ERGIC1: variants seen among roughly 807,000 people sequenced by gnomAD.
The protein encoded by ERGIC1 is endoplasmic reticulum-Golgi intermediate compartment protein 1.
ERGIC1 carries 19 observed loss-of-function variants against 38.3 expected under a neutral mutation model. That is an observed-to-expected ratio of 0.50 (90% confidence interval 0.35 to 0.73). The LOEUF is 0.73. Among genes scored for constraint, ERGIC1 ranks in the 30% least tolerant of loss-of-function variants. The probability of loss-of-function intolerance (pLI) is 0.01; values close to 1 mark genes in which losing one functional copy is unlikely to be tolerated. For missense variants in ERGIC1, 294 were observed against 389.2 expected (o/e 0.76, Z 2.06); for synonymous variants, 124 against 157.6 (o/e 0.79, Z 1.60).
At chr5:172,923,383 G>A (rs1438305024) in intron 5 of ERGIC1, among the ~76,000 whole-genome samples, 1 of 148,498 alleles carries the variant, frequency 6.7e-6, no homozygotes, top group Non-Finnish European at 1.5e-5. Context: ...GGAGGGGGAG[G>A]AGGAGGGACT....
rs769990959 is a variant in ERGIC1 at position 172,914,688 on chromosome 5, CTG to C, written c.251-24_251-23del. 8 of 1,613,814 alleles carry C rather than the reference CTG, an allele frequency of 5.0e-6. No homozygotes were observed. The African/African-American group carries it at 8.0e-5, about 16-fold the overall frequency. On this transcript the variant is annotated intron_variant, in intron 4 of 9. Coordinates refer to ENST00000393784, the MANE Select transcript of ERGIC1 (RefSeq NM_001031711.3). ...TCCTCCCGCGTCTCTGGGTTTGTGA[CTG>C]TTGTCTCCCTTTGGCTCCTGCAGTG...
chr5:172,870,533 G>C (rs1306746678), intron 1 of ERGIC1, among the ~76,000 whole-genome samples: 2 of 152,222 alleles, frequency 1.3e-5, no homozygotes, highest in Admixed American at 6.5e-5. Flanking sequence ...TTGGGATGCT[G>C]ACGTTTCCTG....
chr5:172,891,778 A>T (rs1173732713), intron 2 of ERGIC1, among the ~76,000 whole-genome samples: 2 of 152,174 alleles, frequency 1.3e-5, no homozygotes, highest in Non-Finnish European at 2.9e-5. Flanking sequence ...TGTTTGAAAC[A>T]CAAAAGGGAG....
At chr5:172,935,344 GCCA>G in intron 9 of ERGIC1, 34 bp downstream of exon 9, 2 of 1,613,256 alleles carry the variant, frequency 1.2e-6, no homozygotes, top group Non-Finnish European at 1.7e-6. Flanking sequence ...GGGGCCCTGA[GCCA>G]GCCACCCTGC....
intron 8 of ERGIC1, chr5:172,934,807 A>G (rs1488544799): frequency 3.4e-6 from 1 of 294,344 alleles, no homozygotes. Flanking sequence ...GGGCCACCAC[A>G]GTGGAGGCGT....
intron 2 of ERGIC1, among the ~76,000 whole-genome samples, chr5:172,893,889 A>ATGTGTGTGTATG (rs1762633267): frequency 1.2e-4 from 2 of 17,088 alleles, no homozygotes; most frequent in Non-Finnish European, 2.9e-4. Flanking sequence ...ATATATATAT[A>ATGTGTGTGTATG]TATATATATA....
intron 7 of ERGIC1, among the ~76,000 whole-genome samples, chr5:172,929,288 T>C (rs1763726218): frequency 6.6e-6 from 1 of 152,112 alleles, no homozygotes; most frequent in Non-Finnish European, 1.5e-5. Flanking sequence ...ACGCTGGTAA[T>C]TGCTGAAGTT....
At chr5:172,909,259 T>C (rs915135696) in intron 3 of ERGIC1, among the ~76,000 whole-genome samples, 1 of 142,088 alleles carries the variant, frequency 7.0e-6, no homozygotes, top group Non-Finnish European at 1.5e-5. Flanking sequence ...AACCTCAGCC[T>C]CCTGGGTTCG....
chr5:172,932,658 G>T, intron 8 of ERGIC1, 122 bp downstream of exon 8: 1 of 999,752 alleles, frequency 1.0e-6, no homozygotes, highest in East Asian at 2.6e-5. Flanking sequence ...GCCTTTCCTG[G>T]GGGTTAGCTT....
In ERGIC1 at chr5:172,903,577, A is replaced by G. The variant is rs145582168; in HGVS notation, c.156-6090A>G. 5.3e-4 allele frequency among the ~76,000 whole-genome samples: 80 copies of G among 152,288 alleles called. No homozygotes were observed. In the East Asian group the frequency reaches 0.015, roughly 28 times the overall value. On this transcript the variant is annotated intron_variant, in intron 3 of 9. Transcript: ENST00000393784. ...CTGGTTTCATCGACGTGAAGGGAGA[A>G]TAGTACCCTTATTAAACACTGGATC...
intron 1 of ERGIC1, among the ~76,000 whole-genome samples, chr5:172,883,561 T>G (rs1296268191): frequency 2.0e-5 from 3 of 152,210 alleles, no homozygotes; most frequent in Non-Finnish European, 4.4e-5. Context: ...ATTGTTAGAT[T>G]GAAGCTGTAC....
chr5:172,898,804 G>T (rs1158391986), intron 3 of ERGIC1, among the ~76,000 whole-genome samples: 1 of 152,112 alleles, frequency 6.6e-6, no homozygotes, highest in African/African-American at 2.4e-5. Context: ...CGAAGAAGGG[G>T]TTTTATTCCC....
At chr5:172,844,862 G>A (rs780811798) in intron 1 of ERGIC1, among the ~76,000 whole-genome samples, 1 of 152,142 alleles carries the variant, frequency 6.6e-6, no homozygotes, top group Admixed American at 6.5e-5. Flanking sequence ...CAATACCTTC[G>A]TCCCCGGGGT....
intron 3 of ERGIC1, 121 bp from the exon 4 acceptor site, chr5:172,909,546 C>T: frequency 1.2e-6 from 1 of 857,808 alleles, no homozygotes; most frequent in Non-Finnish European, 1.9e-6. Context: ...CAGGCTCTGC[C>T]CAGGTGGAGT....
At chr5:172,842,076 CCTT>C (rs1761175655) in intron 1 of ERGIC1, among the ~76,000 whole-genome samples, 4 of 152,208 alleles carry the variant, frequency 2.6e-5, no homozygotes, top group Admixed American at 1.3e-4. Flanking sequence ...GACGGAGATT[CCTT>C]CTTGTTGCTC....
At chr5:172,915,919 G>A (rs937356330) in intron 5 of ERGIC1, 2 of 283,140 alleles carry the variant, frequency 7.1e-6, no homozygotes, top group African/African-American at 4.5e-5. Context: ...GATAAATTTT[G>A]TTTGTCCAGT....
At chr5:172,920,692 G>A (rs1338979579) in intron 5 of ERGIC1, 1 of 500,202 alleles carries the variant, frequency 2.0e-6, no homozygotes, top group Non-Finnish European at 3.6e-6. Context: ...CGGCAGGGGT[G>A]GCAGGTGCTG....
intron 1 of ERGIC1, among the ~76,000 whole-genome samples, chr5:172,888,026 G>A (rs571390608): frequency 3.3e-4 from 50 of 152,316 alleles, no homozygotes; most frequent in Admixed American, 2.2e-3. Flanking sequence ...AGTCACCCCC[G>A]ATTCAGGGGT....
chr5:172,914,254 A>ATAAAT (rs1554112478), intron 4 of ERGIC1, among the ~76,000 whole-genome samples: 7,345 of 131,412 alleles, frequency 0.056, 252 homozygotes, highest in African/African-American at 0.096. Context: ...AAAAAAAAAA[A>ATAAAT]AAATACAAAG....
Sources: gnomAD v4.1 joint callset for allele counts (sites outside exome capture counted in the v4.1 genomes callset) on GRCh38, gnomAD v4.1.1 for gene constraint, MANE v1.5 for transcripts, NCBI Gene and HGNC (gene_info 2026-07-23, HGNC 2026-07-21) for gene names.